The following LPA variants were observed in gnomAD, a reference collection of about 807,000 sequenced individuals.
The protein encoded by LPA is apolipoprotein(a).
Under a neutral mutation model 197.9 loss-of-function variants are expected in LPA, and 199 were observed. The ratio of observed to expected loss-of-function variants is 1.01; its 90% CI spans 0.90 to 1.13. The LOEUF (loss-of-function observed/expected upper bound fraction) is 1.13. Among genes scored for constraint, LPA ranks in the 50% most tolerant of loss-of-function variants. LPA has a pLI of 0.00. For missense variants in LPA, 1,853 were observed against 1,785.8 expected, an observed-to-expected ratio of 1.04 and a Z score of -0.68; for synonymous variants, 715 against 639.5, an observed-to-expected ratio of 1.12 and a Z score of -1.78.
intron 20 of LPA, among the ~76,000 whole-genome samples, chr6:160,596,579 G>A (rs1357719098): frequency 6.6e-6 from 1 of 152,014 alleles, no homozygotes; most frequent in Non-Finnish European, 1.5e-5. Flanking sequence ...CATTTTCTTA[G>A]CCATCAGAGA....
At position 160,605,055 on chromosome 6, in the gene LPA, T is replaced by C. The variant is rs1779317713; in HGVS notation, c.2936A>G (p.Tyr979Cys). The C allele has an allele frequency of 6.2e-7, 1 of 1,613,684 alleles. No homozygotes were observed. Among genetic ancestry groups the C allele is most frequent in the East Asian group, 2.2e-5 (1 of 44,876 alleles). ...PHSHSRTPAYYPNAGLIKNYC... is the reference protein window; with the variant it reads ...PHSHSRTPAYCPNAGLIKNYC... Reference sequence around the variant, plus strand: ...AAGAAAATAGACATACGCATTTGGGTAGTATGCTGGGGTCCGACTATGCGA... The same window carrying C: ...AAGAAAATAGACATACGCATTTGGGCAGTATGCTGGGGTCCGACTATGCGA... Residue 979 changes from tyrosine (Y) to cysteine (C), a missense_variant, in exon 18 of 39, where the codon TAC (tyrosine) becomes TGC (cysteine). Tyr to Cys is a radical substitution (Grantham distance 194). Transcript: ENST00000316300.
Position 160,664,187 on chromosome 6 carries a change from G to A in LPA, c.28C>T (p.Leu10Phe). The change falls in exon 1 of 39, where the codon CTT (leucine) becomes TTT (phenylalanine). Residue 10 changes from leucine (L) to phenylalanine (F), a missense_variant. Transcript: ENST00000316300. ...TTACCTGATTTCAGAAATAAAAGAAGTAGAAGAACCACTTCCTTATGTTCC... is the reference window on the plus strand; with the variant it reads ...TTACCTGATTTCAGAAATAAAAGAAATAGAAGAACCACTTCCTTATGTTCC... Reference protein sequence around the residue: MEHKEVVLLLLLFLKSAAPE... With the variant: MEHKEVVLLFLLFLKSAAPE... The A allele has an allele frequency of 1.9e-6, 3 of 1,606,630 alleles. No homozygotes were observed. The highest frequency in any genetic ancestry group is 2.2e-5 in the South Asian group (2 of 89,938).
At chr6:160,601,691 G>A (rs115018991) in intron 18 of LPA, among the ~76,000 whole-genome samples, 3,022 of 152,246 alleles carry the variant, frequency 0.02, 77 homozygotes, top group Middle Eastern at 0.19. Context: ...CCTGTCTGTC[G>A]ATACCGTATC....
chr6:160,536,033 A>G (rs771408393), intron 37 of LPA, among the ~76,000 whole-genome samples: 8 of 152,192 alleles, frequency 5.3e-5, no homozygotes, highest in Non-Finnish European at 1.0e-4. Flanking sequence ...CCAACATGGA[A>G]CAATTGGTGC....
intron 20 of LPA, among the ~76,000 whole-genome samples, chr6:160,597,981 C>T (rs1441522408): frequency 6.6e-6 from 1 of 152,132 alleles, no homozygotes; most frequent in South Asian, 2.1e-4. Flanking sequence ...TGGAGATTTG[C>T]TTTTCAGCTT....
At chr6:160,660,504 G>T (rs41269854) in intron 1 of LPA, among the ~76,000 whole-genome samples, 1 of 151,700 alleles carries the variant, frequency 6.6e-6, no homozygotes, top group African/African-American at 2.4e-5. Flanking sequence ...GCCATGTCAT[G>T]ATAAAAAAAA....
chr6:160,578,861 G>A (rs1363764346), intron 26 of LPA, among the ~76,000 whole-genome samples, 157 bp from the exon 27 acceptor site: 1 of 152,148 alleles, frequency 6.6e-6, no homozygotes, highest in African/African-American at 2.4e-5. Flanking sequence ...ATGGTCTTCA[G>A]CTTCAACTTT....
chr6:160,596,868 G>A (rs1779143132), intron 20 of LPA, among the ~76,000 whole-genome samples: 1 of 152,108 alleles, frequency 6.6e-6, no homozygotes, highest in African/African-American at 2.4e-5. Flanking sequence ...TCCTAAGTTT[G>A]GATAAATTGT....
chr6:160,598,797 C>T (rs1282697238), intron 20 of LPA, among the ~76,000 whole-genome samples: 1 of 152,162 alleles, frequency 6.6e-6, no homozygotes, highest in Non-Finnish European at 1.5e-5. Flanking sequence ...ATTTGCCTCT[C>T]CATAGATGTG....
intron 36 of LPA, among the ~76,000 whole-genome samples, chr6:160,538,351 A>T (rs73594859): frequency 0.018 from 2,748 of 152,316 alleles, 86 homozygotes; most frequent in African/African-American, 0.063. Context: ...CATCATCAAG[A>T]GGGTATAAAA....
At chr6:160,538,305 A>T (rs1387046280) in intron 36 of LPA, among the ~76,000 whole-genome samples, 2 of 152,208 alleles carry the variant, frequency 1.3e-5, no homozygotes, top group Admixed American at 1.3e-4. Flanking sequence ...TTAATTGAAG[A>T]GGGCATTGAT....
chr6:160,587,914 A>T (rs1000265664), intron 24 of LPA, among the ~76,000 whole-genome samples: 2 of 152,002 alleles, frequency 1.3e-5, no homozygotes, highest in Non-Finnish European at 2.9e-5. Context: ...CCATCCAGTG[A>T]GTTCTTCATT....
intron 37 of LPA, among the ~76,000 whole-genome samples, chr6:160,536,591 TC>T (rs1329088456): frequency 2.0e-5 from 3 of 152,154 alleles, no homozygotes; most frequent in East Asian, 3.9e-4. Context: ...CTCCACCTTC[TC>T]TGAGCCCCAG....
At chr6:160,555,436 CATAT>C (rs770158265) in intron 30 of LPA, among the ~76,000 whole-genome samples, 3 of 121,988 alleles carry the variant, frequency 2.5e-5, no homozygotes, top group South Asian at 2.6e-4. Context: ...TTCCCTAGAA[CATAT>C]ATATATATAT....
intron 30 of LPA, among the ~76,000 whole-genome samples, chr6:160,554,131 G>A (rs562376901): frequency 2.0e-5 from 3 of 151,872 alleles, no homozygotes; most frequent in Admixed American, 6.6e-5. Flanking sequence ...GTTGTTTTAC[G>A]CATTTGCTTT....
chr6:160,611,314 T>C (rs998453568), intron 16 of LPA, among the ~76,000 whole-genome samples: 8 of 152,082 alleles, frequency 5.3e-5, no homozygotes, highest in African/African-American at 1.9e-4. Context: ...CATTCTGACT[T>C]TCTTCATAAG....
intron 1 of LPA, among the ~76,000 whole-genome samples, chr6:160,658,909 A>AGTATATGT (rs1193092350): frequency 1.3e-5 from 2 of 150,096 alleles, no homozygotes; most frequent in African/African-American, 4.9e-5. Flanking sequence ...AGAGAGAGAG[A>AGTATATGT]GTATATGTAT....
chr6:160,651,834 T>C (rs1254757976), intron 1 of LPA, among the ~76,000 whole-genome samples: 1 of 151,984 alleles, frequency 6.6e-6, no homozygotes, highest in Non-Finnish European at 1.5e-5. Flanking sequence ...AGCAAAGAGA[T>C]GGAAACTATA....
intron 1 of LPA, among the ~76,000 whole-genome samples, chr6:160,663,410 A>G (rs1293739409): frequency 6.6e-6 from 1 of 152,162 alleles, no homozygotes; most frequent in Non-Finnish European, 1.5e-5. Context: ...TGATTTTCCT[A>G]AGTCTAGATT....
Sources: gnomAD v4.1 joint callset for allele counts (sites outside exome capture counted in the v4.1 genomes callset) on GRCh38, gnomAD v4.1.1 for gene constraint, MANE v1.5 for transcripts, NCBI Gene and HGNC (gene_info 2026-07-23, HGNC 2026-07-21) for gene names.